The following SMAD9 variants were observed in gnomAD, a reference collection of about 807,000 sequenced individuals.
SMAD9 encodes the protein SMAD family member 9, also known as MAD homolog 9.
SMAD9 carries 36 observed loss-of-function variants against 46.1 expected under a neutral mutation model. The ratio of observed to expected loss-of-function variants is 0.78; its 90% CI spans 0.60 to 1.03. The LOEUF is 1.03. SMAD9 is among the 50% of genes least tolerant of loss of function. The pLI is 0.00. For synonymous variants in SMAD9, 245 were observed against 237.1 expected, an observed-to-expected ratio of 1.03 and a Z score of -0.31; for missense variants, 572 against 599.8, an observed-to-expected ratio of 0.95 and a Z score of 0.48.
At chr13:36,880,452 T>A (rs1370342998) in intron 1 of SMAD9, among the ~76,000 whole-genome samples, 1 of 152,194 alleles carries the variant, frequency 6.6e-6, no homozygotes, top group Non-Finnish European at 1.5e-5. Context: ...AAGCAATCCA[T>A]CTTCTTGTAG....
chr13:36,852,530 C>T (rs192216651), intron 6 of SMAD9: 19 of 984,264 alleles, frequency 1.9e-5, no homozygotes, highest in East Asian at 2.3e-4. Context: ...TAATAAGATT[C>T]GATATGAGAA....
chr13:36,852,105 C>A, intron 6 of SMAD9: 1 of 975,320 alleles, frequency 1.0e-6, no homozygotes, highest in Non-Finnish European at 1.2e-6. Flanking sequence ...TTGAATGAAA[C>A]TGCTTTGTCA....
At chr13:36,852,398 T>C in intron 6 of SMAD9, 1 of 985,142 alleles carries the variant, frequency 1.0e-6, no homozygotes, top group Non-Finnish European at 1.2e-6. Flanking sequence ...CATTTGCGAG[T>C]ACTTTGCAAC....
At chr13:36,883,173 C>T (rs1207543077) in intron 1 of SMAD9, among the ~76,000 whole-genome samples, 1 of 152,070 alleles carries the variant, frequency 6.6e-6, no homozygotes, top group Non-Finnish European at 1.5e-5. Flanking sequence ...ACTGAAATGC[C>T]CACAGACTCT....
chr13:36,878,239 C>T (rs1206161414), intron 2 of SMAD9, among the ~76,000 whole-genome samples: 1 of 152,128 alleles, frequency 6.6e-6, no homozygotes, highest in African/African-American at 2.4e-5. Flanking sequence ...TACAATCATG[C>T]ACTGTGTAAT....
chr13:36,862,482 C>T (rs2058191886), intron 5 of SMAD9, among the ~76,000 whole-genome samples: 2 of 38,582 alleles, frequency 5.2e-5, no homozygotes, highest in Admixed American at 3.2e-4. Context: ...ATTCCATGGC[C>T]GTGCCCAGGT....
At chr13:36,900,863 T>C (rs959196660) in intron 1 of SMAD9, among the ~76,000 whole-genome samples, 1 of 152,180 alleles carries the variant, frequency 6.6e-6, no homozygotes, top group Admixed American at 6.5e-5. Context: ...AACCATCACC[T>C]TTACCTAGTT....
At chr13:36,864,290 A>C (rs1380700976) in intron 5 of SMAD9, among the ~76,000 whole-genome samples, 1 of 152,182 alleles carries the variant, frequency 6.6e-6, no homozygotes, top group Non-Finnish European at 1.5e-5. Flanking sequence ...CTAGAGTAAA[A>C]TCACCACCAT....
chr13:36,900,039 T>A (rs966192513), intron 1 of SMAD9, among the ~76,000 whole-genome samples: 8 of 152,114 alleles, frequency 5.3e-5, no homozygotes, highest in Non-Finnish European at 5.9e-5. Context: ...ATTAGAATGA[T>A]CCTGCTTGAG....
intron 1 of SMAD9, among the ~76,000 whole-genome samples, chr13:36,886,789 C>T (rs185838973): frequency 1.4e-4 from 21 of 152,222 alleles, no homozygotes; most frequent in Non-Finnish European, 2.8e-4. Flanking sequence ...ATCAAGAGGA[C>T]GAGAAAGTGC....
At chr13:36,901,031 T>C (rs1047696117) in intron 1 of SMAD9, among the ~76,000 whole-genome samples, 3 of 152,228 alleles carry the variant, frequency 2.0e-5, no homozygotes, top group Non-Finnish European at 2.9e-5. Context: ...CCATAAACTA[T>C]GTGTGATGAA....
At position 36,858,862 on chromosome 13, in the gene SMAD9, G is replaced by A. The variant is rs140213287; in HGVS notation, c.1004-5187C>T. On this transcript the variant is annotated intron_variant, in intron 5 of 6. Transcript: ENST00000379826. ...CTAGTTGGGGCTACAGATGCACGCC[G>A]CCATACTCAGCTAACTTTTTGGTAT... Among the ~76,000 whole-genome samples, 376 of 152,096 alleles carry A rather than the reference G, an allele frequency of 2.5e-3. 4 individuals are homozygous for A. The highest frequency in any genetic ancestry group is 8.3e-3 in the African/African-American group (344 of 41,490).
chr13:36,909,791 A>C (rs1462433722), intron 1 of SMAD9, among the ~76,000 whole-genome samples: 1 of 152,218 alleles, frequency 6.6e-6, no homozygotes, highest in Non-Finnish European at 1.5e-5. Flanking sequence ...TGTGAGAGAA[A>C]GCAGTTTGAA....
Position 36,846,992 on chromosome 13 carries a change from T to C in SMAD9, c.*1684A>G, listed in dbSNP as rs1027034128. ...CCATAGGTAGGTGCACAATACATAG[T>C]TGATGAACCAATAAACTACAGATTT... On this transcript the variant is annotated 3_prime_UTR_variant, in exon 7 of 7. Coordinates refer to ENST00000379826, the MANE Select transcript of SMAD9 (RefSeq NM_001127217.3). 3 of 152,182 alleles carry C rather than the reference T, an allele frequency of 2.0e-5. No homozygotes were observed. Among genetic ancestry groups the C allele is most frequent in the African/African-American group, 7.2e-5 (3 of 41,440 alleles). The allele number at this position is 152,182 out of a possible 1,614,324, so 9.4% of individuals were successfully genotyped here. A position where few individuals can be genotyped will look rare whatever the true frequency, so the allele number is the denominator to read the frequency against.
At chr13:36,859,112 G>A (rs539936125) in intron 5 of SMAD9, among the ~76,000 whole-genome samples, 2 of 152,300 alleles carry the variant, frequency 1.3e-5, no homozygotes, top group East Asian at 3.9e-4. Context: ...AGGATATTAA[G>A]TATTCTGCAA....
intron 1 of SMAD9, among the ~76,000 whole-genome samples, chr13:36,905,793 A>C (rs1416410247): frequency 1.3e-5 from 1 of 79,202 alleles, no homozygotes; most frequent in Non-Finnish European, 2.8e-5. Context: ...AAAAAAAAAA[A>C]AAAAAAAAAA....
Position 36,881,235 on chromosome 13 carries a change from T to G in SMAD9, c.-186-1360A>C, listed in dbSNP as rs571280188. On this transcript the variant is annotated intron_variant, in intron 1 of 6. Coordinates refer to ENST00000379826, the MANE Select transcript of SMAD9 (RefSeq NM_001127217.3). ...TGGCTTAAACAAAACCTCCTCCTCC[T>G]TCCAGATTTTAGAAACCAGCTACCT... 3.3e-5 allele frequency among the ~76,000 whole-genome samples: 5 copies of G among 152,240 alleles called. No homozygotes were observed. In the South Asian group the frequency reaches 1.0e-3, roughly 32 times the overall value.
intron 1 of SMAD9, among the ~76,000 whole-genome samples, chr13:36,893,786 G>A (rs916029862): frequency 4.3e-4 from 65 of 151,928 alleles, no homozygotes; most frequent in South Asian, 1.9e-3. Flanking sequence ...TAAAAACACA[G>A]AATTCAGAAA....
intron 1 of SMAD9, among the ~76,000 whole-genome samples, chr13:36,903,126 G>GTTTTTT: frequency 7.8e-6 from 1 of 127,622 alleles, no homozygotes; most frequent in Non-Finnish European, 1.6e-5. Context: ...TTTTCTTTTG[G>GTTTTTT]TTTTTTTTTT....
Sources: gnomAD v4.1 joint callset for allele counts (sites outside exome capture counted in the v4.1 genomes callset) on GRCh38, gnomAD v4.1.1 for gene constraint, MANE v1.5 for transcripts, NCBI Gene and HGNC (gene_info 2026-07-23, HGNC 2026-07-21) for gene names.